Variants in CFAP46 observed in about 807,000 individuals in gnomAD.
The protein encoded by CFAP46 is cilia- and flagella-associated protein 46.
CFAP46 carries 245 observed loss-of-function variants against 325.7 expected under a neutral mutation model. The observed-to-expected ratio is 0.75, with a 90% CI of 0.68 to 0.84. The LOEUF (loss-of-function observed/expected upper bound fraction) is 0.84, where lower values mean the gene tolerates loss of function less well. Among genes scored for constraint, CFAP46 ranks in the 40% least tolerant of loss-of-function variants. CFAP46 has a pLI of 0.00. For synonymous variants in CFAP46, 1,523 were observed against 1,495.9 expected (o/e 1.02, Z -0.42); for missense variants, 3,346 against 3,543.0 (o/e 0.94, Z 1.41).
At position 132,828,251 on chromosome 10, in the gene CFAP46, T is replaced by G. The variant is rs2134962557; in HGVS notation, c.7117+5107A>C. 6.6e-6 allele frequency among the ~76,000 whole-genome samples: 1 copy of G among 152,374 alleles called. No homozygotes were observed. The highest frequency in any genetic ancestry group is 2.1e-4 in the South Asian group (1 of 4,832). ...GAATGACTGCGGCATACAACAGGCC[T>G]GCTTTAACTTCTTAAGAAACTGCCA... On this transcript the variant is annotated intron_variant, in intron 50 of 57. Transcript: ENST00000368586. The surrounding 1 kb of genome is among the most constrained non-coding windows in gnomAD (Gnocchi z 4.9).
At chr10:132,846,336 G>T in intron 43 of CFAP46, 109 bp from the exon 44 acceptor site, 1 of 1,339,132 alleles carries the variant, frequency 7.5e-7, no homozygotes, top group Non-Finnish European at 1.0e-6. Flanking sequence ...GAGTGGGCTG[G>T]CTCTCCTGGC....
At chr10:132,938,777 G>C (rs1465031427) in intron 4 of CFAP46, 24 bp from the exon 5 acceptor site, 5 of 1,604,608 alleles carry the variant, frequency 3.1e-6, no homozygotes, top group African/African-American at 1.3e-5. Flanking sequence ...AGAGGAAGCA[G>C]AGAGCACGCT....
chr10:132,883,930 T>C (rs1849084184), intron 27 of CFAP46, among the ~76,000 whole-genome samples: 1 of 151,530 alleles, frequency 6.6e-6, no homozygotes, highest in Non-Finnish European at 1.5e-5. Flanking sequence ...TGCTGGGGGG[T>C]GATGAAACCT....
chr10:132,877,834 A>T lies in CFAP46; in HGVS notation c.4212+47T>A. ...CTGACAGGCAGGGAAACTGAGGCAC[A>T]GGCCATCCTGGGCCCGGCCTCTGCA... On this transcript the variant is annotated intron_variant, in intron 30 of 57. Transcript: ENST00000368586. The surrounding 1 kb of genome is among the most constrained non-coding windows in gnomAD (Gnocchi z 5.7). The T allele has an allele frequency of 6.5e-7, 1 of 1,534,398 alleles. No homozygotes were observed. Among genetic ancestry groups the T allele is most frequent in the African/African-American group, 1.4e-5 (1 of 71,826 alleles).
rs376079983 is a variant in CFAP46 at position 132,847,165 on chromosome 10, G to A, written c.6087+22C>T. 18 of 1,608,440 alleles carry A rather than the reference G, an allele frequency of 1.1e-5. No homozygotes were observed. The highest frequency in any genetic ancestry group is 5.0e-5 in the Admixed American group (3 of 59,800). On this transcript the variant is annotated intron_variant, in intron 42 of 57. Coordinates refer to ENST00000368586, the MANE Select transcript of CFAP46 (RefSeq NM_001200049.3). This position sits in a 1 kb window ranked among gnomAD's most constrained non-coding sequence, Gnocchi z 5.2. ...CAGGCTCCGGGCAGAGGCCACACGA[G>A]GGGCAGGAGGGGCAGCCGCACCTTC...
In CFAP46 at chr10:132,909,182, G is replaced by A. The variant is rs1284750939; in HGVS notation, c.2712C>T (p.Cys904=). Residue 904 remains cysteine, a synonymous_variant, in exon 21 of 58, where the codon TGC becomes TGT. Transcript: ENST00000368586. The stretch of plus-strand genomic sequence containing the variant: ...TGAAGTCCATGAGGCCCAGCCCGTT[G>A]CATGAGTACATTTCCAAGGCAACGA... ...RVLVALEMYS[C]NGLGLMDFTV... The A allele has an allele frequency of 1.3e-6, 2 of 1,550,226 alleles. No homozygotes were observed. The highest frequency in any genetic ancestry group is 2.4e-5 in the East Asian group (1 of 40,900).
intron 50 of CFAP46, among the ~76,000 whole-genome samples, chr10:132,815,513 G>A (rs1351851195): frequency 1.3e-5 from 2 of 152,364 alleles, no homozygotes; most frequent in South Asian, 4.1e-4. Flanking sequence ...TATCAGGATG[G>A]GGCATTGCGT....
intron 50 of CFAP46, among the ~76,000 whole-genome samples, chr10:132,820,952 GTGC>G (rs146058114): frequency 0.18 from 15,545 of 84,282 alleles, 3,491 homozygotes; most frequent in Admixed American, 0.33. Context: ...TGTGCTGTGT[GTGC>G]TGATGTGTGC....
intron 46 of CFAP46, among the ~76,000 whole-genome samples, chr10:132,835,657 G>A (rs1031788480): frequency 9.2e-5 from 14 of 152,006 alleles, no homozygotes; most frequent in African/African-American, 3.1e-4. Context: ...GGAAGCACAC[G>A]CCCCGTCTAC....
intron 24 of CFAP46, 136 bp downstream of exon 24, chr10:132,898,823 C>T: frequency 1.6e-6 from 2 of 1,221,586 alleles, no homozygotes; most frequent in Non-Finnish European, 1.2e-6. Context: ...AACCCCCTCC[C>T]CTCCTCGGCT....
Position 132,808,491 on chromosome 10 carries a change from G to A in CFAP46, c.8078C>T (p.Pro2693Leu). ...GCAACTCAGCACCAGCGCCGCCAAGGGGAGGCCGCCCTTGTCCTGGCCCCG... is the reference window on the plus strand; with the variant it reads ...GCAACTCAGCACCAGCGCCGCCAAGAGGAGGCCGCCCTTGTCCTGGCCCCG... ...SSRGQDKGGL[P>L]LAALVLSCLD... The change falls in exon 58 of 58, where the codon CCC (proline) becomes CTC (leucine). Residue 2693 changes from proline (P) to leucine (L), a missense_variant. By Grantham distance (98) the Pro-to-Leu change is moderately conservative. Transcript: ENST00000368586. This position sits in a 1 kb window ranked among gnomAD's most constrained non-coding sequence, Gnocchi z 6.8. The A allele has an allele frequency of 6.2e-7, 1 of 1,613,264 alleles. No individual in the cohort carries two copies. Among genetic ancestry groups the A allele is most frequent in the Non-Finnish European group, 8.5e-7 (1 of 1,180,016 alleles).
Position 132,918,431 on chromosome 10 carries a change from G to A in CFAP46, c.1948C>T (p.Leu650=). 1 of 1,549,278 alleles carries A rather than the reference G, an allele frequency of 6.5e-7. No individual in the cohort carries two copies. The change falls in exon 16 of 58, where the codon CTG becomes TTG. Residue 650 remains leucine (L), a synonymous_variant. Transcript: ENST00000368586. Reference sequence around the variant, plus strand: ...AACCCCACCTCCGCGAACTTCCGCAGCAGGTCGGGGCACACCTGCCTCTGC... The same window carrying A: ...AACCCCACCTCCGCGAACTTCCGCAACAGGTCGGGGCACACCTGCCTCTGC... ...VLQRQVCPDL[L]RKFAEVGFIH...
rs115099486 is a variant in CFAP46, at chr10:132,838,938, C to T, written c.6439-2024G>A. 3.2e-3 allele frequency among the ~76,000 whole-genome samples: 490 copies of T among 152,342 alleles called. 1 individual carries two copies. The highest frequency in any genetic ancestry group is 0.01 in the African/African-American group (435 of 41,572). On this transcript the variant is annotated intron_variant, in intron 44 of 57. Transcript: ENST00000368586. ...ATTCTGGTTGGTGTCTGGTTATCTG[C>T]GTCAGGCTTCAATTTTGCATTTCCC...
chr10:132,898,568 G>A (rs540766342), intron 24 of CFAP46: 25 of 308,378 alleles, frequency 8.1e-5, no homozygotes, highest in South Asian at 4.6e-4. Flanking sequence ...CCCAGCCCCC[G>A]CCCCCTGCCC....
At chr10:132,866,324 G>C (rs376991516) in intron 34 of CFAP46, among the ~76,000 whole-genome samples, 153 bp from the exon 35 acceptor site, 3 of 152,160 alleles carry the variant, frequency 2.0e-5, no homozygotes, top group East Asian at 1.9e-4. Flanking sequence ...TGGGCGCCTC[G>C]CAAGCTCCCC....
chr10:132,898,877 T>C (rs1439258773), intron 24 of CFAP46, 82 bp downstream of exon 24: 1 of 1,505,514 alleles, frequency 6.6e-7, no homozygotes, highest in Non-Finnish European at 9.0e-7. Flanking sequence ...TCTGTCTTTC[T>C]TTGGGAGTCT....
rs555343070 is a variant in CFAP46 at position 132,872,820 on chromosome 10, T to C, written c.4367A>G (p.Tyr1456Cys). 6.4e-7 allele frequency: 1 copy of C among 1,551,164 alleles called. No individual in the cohort carries two copies. Among genetic ancestry groups the C allele is most frequent in the South Asian group, 1.2e-5 (1 of 84,068 alleles). ...VNPSSIQKPTYSLYFLDHLVK... is the reference protein window; with the variant it reads ...VNPSSIQKPTCSLYFLDHLVK... ...CAGGTGGTCCAGGAAATACAAACTG[T>C]ATGTCTACATGGACACATAACACAC... Residue 1456 changes from tyrosine to cysteine, a missense_variant, in exon 32 of 58, where the codon TAC becomes TGC. Coordinates refer to ENST00000368586, the MANE Select transcript of CFAP46 (RefSeq NM_001200049.3).
chr10:132,937,833 C>A (rs1850032884), intron 5 of CFAP46, among the ~76,000 whole-genome samples, 158 bp from the exon 6 acceptor site: 2 of 152,182 alleles, frequency 1.3e-5, no homozygotes, highest in South Asian at 4.1e-4. Flanking sequence ...TGTGGCTCAC[C>A]AGGAAGGGCC....
At chr10:132,937,256 T>C (rs1850022921) in intron 6 of CFAP46, 1 of 533,984 alleles carries the variant, frequency 1.9e-6, no homozygotes, top group Non-Finnish European at 3.2e-6. Context: ...ACTTGTATCT[T>C]TGTGAATTTT....
Sources: gnomAD v4.1 joint callset for allele counts (sites outside exome capture counted in the v4.1 genomes callset) on GRCh38, gnomAD v4.1.1 for gene constraint, Gnocchi (gnomAD v3.1) non-coding constraint, MANE v1.5 for transcripts, NCBI Gene and HGNC (gene_info 2026-07-23, HGNC 2026-07-21) for gene names.